Variants in COMMD1 observed in about 807,000 individuals in gnomAD.
COMMD1 encodes the protein COMM domain-containing protein 1.
In COMMD1, 10 loss-of-function variants were observed where a neutral mutation model predicts 17.2. The observed-to-expected ratio is 0.58, with a 90% CI of 0.36 to 0.99. COMMD1 has a LOEUF of 0.99. COMMD1 is among the 50% of genes least tolerant of loss of function. The pLI is 0.01. For synonymous variants in COMMD1, 97 were observed against 91.6 expected (o/e 1.06, Z -0.34); for missense variants, 270 against 231.8 (o/e 1.17, Z -1.07).
chr2:62,025,333 C>T (rs1304256791), intron 2 of COMMD1, among the ~76,000 whole-genome samples: 3 of 151,976 alleles, frequency 2.0e-5, no homozygotes, highest in African/African-American at 7.3e-5. Context: ...CAAGACCAGC[C>T]TGGGCAACAT....
chr2:62,101,241 C>G (rs2104020456), intron 2 of COMMD1, among the ~76,000 whole-genome samples: 1 of 152,232 alleles, frequency 6.6e-6, no homozygotes, highest in Admixed American at 6.5e-5. Context: ...GGATGTTCTA[C>G]AATTAAATTC....
chr2:62,030,309 G>A (rs774550831), intron 2 of COMMD1, among the ~76,000 whole-genome samples: 3 of 152,168 alleles, frequency 2.0e-5, no homozygotes, highest in South Asian at 2.1e-4. Context: ...CTTGGGGAAG[G>A]GGGATTCTAG....
intron 1 of COMMD1, among the ~76,000 whole-genome samples, chr2:61,910,375 G>C (rs1669874239): frequency 6.6e-6 from 1 of 151,686 alleles, no homozygotes; most frequent in African/African-American, 2.4e-5. Flanking sequence ...AACCTCCTGA[G>C]TAGCTGGGAT....
chr2:62,014,308 TA>T (rs780926402), intron 2 of COMMD1, among the ~76,000 whole-genome samples: 2 of 152,078 alleles, frequency 1.3e-5, no homozygotes, highest in Non-Finnish European at 2.9e-5. Flanking sequence ...AATTTTTGGA[TA>T]TAAATCCCTT....
chr2:62,028,783 G>T (rs1669839375), intron 2 of COMMD1, among the ~76,000 whole-genome samples: 1 of 152,082 alleles, frequency 6.6e-6, no homozygotes, highest in South Asian at 2.1e-4. Context: ...AATATTTCCT[G>T]ATTTTGTTCT....
intron 2 of COMMD1, among the ~76,000 whole-genome samples, chr2:62,028,538 A>T (rs1669829562): frequency 6.6e-6 from 1 of 152,142 alleles, no homozygotes; most frequent in South Asian, 2.1e-4. Flanking sequence ...GTGTCACTGC[A>T]CTCCAGCCTA....
chr2:61,937,582 G>GT (rs1200930155), intron 1 of COMMD1, among the ~76,000 whole-genome samples: 1 of 152,098 alleles, frequency 6.6e-6, no homozygotes, highest in Non-Finnish European at 1.5e-5. Context: ...TATTTATTTT[G>GT]TTTTTTAAGT....
At chr2:62,128,345 AAAC>A (rs1469135630) in intron 2 of COMMD1, among the ~76,000 whole-genome samples, 7 of 151,632 alleles carry the variant, frequency 4.6e-5, no homozygotes, top group Admixed American at 1.3e-4. Context: ...GAAAAAAAAA[AAAC>A]AAAAAAACTC....
At chr2:61,929,947 A>G (rs916633756) in intron 1 of COMMD1, among the ~76,000 whole-genome samples, 2 of 151,840 alleles carry the variant, frequency 1.3e-5, no homozygotes, top group African/African-American at 4.8e-5. Context: ...AAAAAAAAGT[A>G]TGCTTTTCTT....
chr2:61,914,800 C>A (rs1035832123), intron 1 of COMMD1, among the ~76,000 whole-genome samples: 1 of 151,172 alleles, frequency 6.6e-6, no homozygotes, highest in Non-Finnish European at 1.5e-5. Flanking sequence ...AAGCGATTCT[C>A]GTGTCTCAGC....
At chr2:61,993,517 AC>A (rs1668652907) in intron 1 of COMMD1, among the ~76,000 whole-genome samples, 1 of 152,192 alleles carries the variant, frequency 6.6e-6, no homozygotes, top group East Asian at 1.9e-4. Context: ...TTAAAATTGT[AC>A]TTCAGGATTC....
intron 1 of COMMD1, among the ~76,000 whole-genome samples, chr2:61,964,757 C>T (rs987121003): frequency 6.6e-6 from 1 of 152,172 alleles, no homozygotes; most frequent in Non-Finnish European, 1.5e-5. Context: ...CCTGTAATCC[C>T]AGCTACTCAG....
intron 1 of COMMD1, among the ~76,000 whole-genome samples, chr2:61,954,663 T>C (rs1244832342): frequency 6.6e-6 from 1 of 151,928 alleles, no homozygotes; most frequent in African/African-American, 2.4e-5. Flanking sequence ...GGCTAAACCA[T>C]TATGCTTCAC....
chr2:61,916,754 G>T (rs938101390), intron 1 of COMMD1, among the ~76,000 whole-genome samples: 1 of 151,940 alleles, frequency 6.6e-6, no homozygotes, highest in African/African-American at 2.4e-5. Flanking sequence ...AAATTTAATC[G>T]TCTCAACTGT....
At chr2:61,921,834 T>G (rs924595338) in intron 1 of COMMD1, among the ~76,000 whole-genome samples, 3 of 152,238 alleles carry the variant, frequency 2.0e-5, no homozygotes, top group Non-Finnish European at 4.4e-5. Context: ...AAAAACAACC[T>G]TGATCTCTAA....
At chr2:61,916,659 T>G (rs952037462) in intron 1 of COMMD1, among the ~76,000 whole-genome samples, 5 of 152,042 alleles carry the variant, frequency 3.3e-5, no homozygotes, top group Non-Finnish European at 7.4e-5. Context: ...ACTCCTGGGC[T>G]CAAGTGATCT....
intron 1 of COMMD1, among the ~76,000 whole-genome samples, chr2:61,996,288 C>A (rs1668751968): frequency 6.7e-6 from 1 of 150,060 alleles, no homozygotes; most frequent in African/African-American, 2.5e-5. Flanking sequence ...AGGGTCTTGC[C>A]TTGATGTCTT....
chr2:61,975,623 AT>A (rs938812580), intron 1 of COMMD1, among the ~76,000 whole-genome samples: 2 of 152,128 alleles, frequency 1.3e-5, no homozygotes, highest in Non-Finnish European at 2.9e-5. Flanking sequence ...CTTTTGATGC[AT>A]TTTACAATTT....
intron 2 of COMMD1, among the ~76,000 whole-genome samples, chr2:62,027,700 G>T (rs187439233): frequency 6.6e-6 from 1 of 151,452 alleles, no homozygotes; most frequent in African/African-American, 2.4e-5. Flanking sequence ...TTGAGACAAG[G>T]TCTCGCTCTG....
Sources: allele counts gnomAD v4.1 joint callset (sites outside exome capture counted in the v4.1 genomes callset), GRCh38; gene constraint gnomAD v4.1.1; transcripts MANE v1.5; gene names NCBI Gene and HGNC (gene_info 2026-07-23, HGNC 2026-07-21).